CAMK4: variants seen among roughly 807,000 people sequenced by gnomAD.
CAMK4 encodes the protein calcium/calmodulin dependent protein kinase IV.
Under a neutral mutation model 44.9 loss-of-function variants are expected in CAMK4, and 22 were observed. That is an observed-to-expected ratio of 0.49 (90% CI 0.35 to 0.70). The LOEUF (loss-of-function observed/expected upper bound fraction) is 0.70, where lower values mean the gene tolerates loss of function less well. Ranked by LOEUF, CAMK4 falls within the 30% of genes least tolerant of loss-of-function variation. The pLI is 0.01. For synonymous variants in CAMK4, 218 were observed against 215.4 expected, an observed-to-expected ratio of 1.01 and a Z score of -0.11; for missense variants, 498 against 586.8, an observed-to-expected ratio of 0.85 and a Z score of 1.56.
chr5:111,376,869 A>C lies in CAMK4; in HGVS notation c.313A>C (p.Lys105Gln). 1 of 1,585,346 alleles carries C rather than the reference A, an allele frequency of 6.3e-7. No individual in the cohort carries two copies. The highest frequency in any genetic ancestry group is 8.6e-7 in the Non-Finnish European group (1 of 1,157,692). The change falls in exon 4 of 11, where the codon AAA (lysine) becomes CAA (glutamine). Residue 105 changes from lysine (K) to glutamine (Q), a missense_variant. Physicochemically the swap from Lys to Gln is moderately conservative, Grantham distance 53 (BLOSUM62 1). This residue lies in a region of CAMK4 where 152 missense variants were observed against 143.7 expected (regional missense o/e 1.06). Coordinates refer to ENST00000282356, the MANE Select transcript of CAMK4 (RefSeq NM_001744.6). ...TTATATCTTTCCCTAGATAAAACTT[A>C]AAGAGATATTTGAAACCCCTACAGA... ...RLSHPNIIKL[K>Q]EIFETPTEIS...
At chr5:111,376,061 G>A (rs560682459) in intron 3 of CAMK4, among the ~76,000 whole-genome samples, 4 of 151,990 alleles carry the variant, frequency 2.6e-5, no homozygotes, top group Non-Finnish European at 5.9e-5. Flanking sequence ...ACAATTTGGG[G>A]CTAGATACCA....
intron 2 of CAMK4, 57 bp from the exon 3 acceptor site, chr5:111,374,793 C>G (rs1206099283): frequency 1.9e-5 from 20 of 1,074,816 alleles, no homozygotes; most frequent in Non-Finnish European, 2.7e-5. Context: ...TTCTATTTCT[C>G]TGCTACAATG....
chr5:111,237,169 A>G (rs778007637), intron 1 of CAMK4, among the ~76,000 whole-genome samples: 6 of 152,166 alleles, frequency 3.9e-5, no homozygotes, highest in East Asian at 1.9e-4. Context: ...GCTGAGTAAT[A>G]TATCAGTTGC....
chr5:111,463,008 T>TA (rs1233964340), intron 7 of CAMK4, among the ~76,000 whole-genome samples: 1 of 152,208 alleles, frequency 6.6e-6, no homozygotes, highest in Non-Finnish European at 1.5e-5. Flanking sequence ...CTTTCTGTTT[T>TA]AAAAAGGAAG....
intron 3 of CAMK4, 31 bp from the exon 4 acceptor site, chr5:111,376,829 G>A: frequency 7.7e-7 from 1 of 1,300,536 alleles, no homozygotes; most frequent in Non-Finnish European, 1.1e-6. Context: ...TAAGAAATTT[G>A]TGATATTCTT....
intron 2 of CAMK4, among the ~76,000 whole-genome samples, chr5:111,370,007 C>T (rs1171025963): frequency 1.3e-5 from 2 of 152,172 alleles, no homozygotes; most frequent in East Asian, 1.9e-4. Context: ...TCACTTTACT[C>T]AGATATGCAG....
At chr5:111,240,896 C>T (rs1450980626) in intron 1 of CAMK4, among the ~76,000 whole-genome samples, 2 of 152,134 alleles carry the variant, frequency 1.3e-5, no homozygotes, top group Admixed American at 1.3e-4. Flanking sequence ...CCAGTGGCAA[C>T]GATGGTGGTA....
intron 1 of CAMK4, among the ~76,000 whole-genome samples, chr5:111,244,672 C>A (rs1236152154): frequency 1.3e-5 from 2 of 152,086 alleles, no homozygotes; most frequent in East Asian, 3.9e-4. Context: ...ACTATCTTGG[C>A]CAACATGGCG....
intron 5 of CAMK4, among the ~76,000 whole-genome samples, chr5:111,402,316 G>GT (rs568089632): frequency 9.4e-4 from 143 of 152,294 alleles, no homozygotes; most frequent in African/African-American, 3.2e-3. Context: ...TGTACAGGAT[G>GT]TTATTCAAAA....
intron 5 of CAMK4, among the ~76,000 whole-genome samples, chr5:111,441,373 A>C (rs1753817089): frequency 6.6e-6 from 1 of 152,348 alleles, no homozygotes; most frequent in South Asian, 2.1e-4. Context: ...GAGCCAATAA[A>C]TTAATTGTGC....
At chr5:111,407,306 G>A (rs905666742) in intron 5 of CAMK4, among the ~76,000 whole-genome samples, 11 of 149,900 alleles carry the variant, frequency 7.3e-5, no homozygotes, top group African/African-American at 2.0e-4. Flanking sequence ...AGCTGAGATC[G>A]CGCCACTGCA....
intron 4 of CAMK4, among the ~76,000 whole-genome samples, chr5:111,379,561 T>A (rs1044958132): frequency 6.6e-6 from 1 of 152,148 alleles, no homozygotes; most frequent in Middle Eastern, 3.2e-3. Context: ...TCTGCAGTTA[T>A]CTTTAAATTT....
chr5:111,443,305 C>CTATATATATAT (rs1317399028), intron 5 of CAMK4, among the ~76,000 whole-genome samples: 1 of 134,830 alleles, frequency 7.4e-6, no homozygotes, highest in African/African-American at 2.8e-5. Context: ...CACACACACA[C>CTATATATATAT]ACACACACAC....
chr5:111,411,153 A>C (rs1180694352), intron 5 of CAMK4, among the ~76,000 whole-genome samples: 1 of 152,222 alleles, frequency 6.6e-6, no homozygotes, highest in East Asian at 1.9e-4. Context: ...AGAAGAACCA[A>C]GCAGGAGGAG....
intron 7 of CAMK4, among the ~76,000 whole-genome samples, chr5:111,472,492 G>A (rs1755099331): frequency 6.6e-6 from 1 of 152,084 alleles, no homozygotes; most frequent in African/African-American, 2.4e-5. Flanking sequence ...TTGTTAATTA[G>A]GCAAACAAAT....
chr5:111,380,176 A>G (rs1277430741), intron 4 of CAMK4, among the ~76,000 whole-genome samples: 7 of 152,176 alleles, frequency 4.6e-5, no homozygotes, highest in Admixed American at 2.0e-4. Flanking sequence ...ATATTTTAAG[A>G]CAGCAAATTT....
At chr5:111,434,196 G>A (rs1042866993) in intron 5 of CAMK4, among the ~76,000 whole-genome samples, 14 of 151,808 alleles carry the variant, frequency 9.2e-5, no homozygotes, top group Admixed American at 4.6e-4. Flanking sequence ...GGAAGGCTGA[G>A]GCAGGAGAAT....
chr5:111,228,156 A>G (rs901287262), intron 1 of CAMK4, among the ~76,000 whole-genome samples: 9 of 152,244 alleles, frequency 5.9e-5, no homozygotes, highest in Admixed American at 5.9e-4. Flanking sequence ...AGAAAAGATG[A>G]TAAGAAAACC....
At chr5:111,364,292 A>C (rs1459646066) in intron 2 of CAMK4, among the ~76,000 whole-genome samples, 2 of 152,094 alleles carry the variant, frequency 1.3e-5, no homozygotes, top group Non-Finnish European at 2.9e-5. Flanking sequence ...AAAGACATGA[A>C]GATTCTTCTT....
Sources: allele counts gnomAD v4.1 joint callset (sites outside exome capture counted in the v4.1 genomes callset), GRCh38; gene constraint gnomAD v4.1.1; regional missense constraint gnomAD v4.1.1; transcripts MANE v1.5; gene names NCBI Gene and HGNC (gene_info 2026-07-23, HGNC 2026-07-21).